Variants in FERMT2 observed in about 807,000 individuals in gnomAD.
The protein encoded by FERMT2 is FERM domain containing kindlin 2, also known as fermitin family homolog 2.
A neutral mutation model predicts 82.7 loss-of-function variants in FERMT2; 15 were observed. The observed-to-expected ratio is 0.18, with a 90% CI of 0.12 to 0.28. FERMT2 has a LOEUF of 0.28. Ranked by LOEUF, FERMT2 falls within the 10% of genes least tolerant of loss-of-function variation. FERMT2 has a pLI of 1.00. For missense variants in FERMT2, 645 were observed against 809.4 expected (o/e 0.80, Z 2.46); for synonymous variants, 274 against 271.5 (o/e 1.01, Z -0.09).
intron 3 of FERMT2, among the ~76,000 whole-genome samples, chr14:52,910,006 T>C (rs927948867): frequency 3.9e-5 from 6 of 152,152 alleles, no homozygotes; most frequent in African/African-American, 1.2e-4. Flanking sequence ...TGAGCTGAGA[T>C]TGCGCCACTG....
At chr14:52,925,608 G>A (rs138710075) in intron 2 of FERMT2, among the ~76,000 whole-genome samples, 1 of 150,988 alleles carries the variant, frequency 6.6e-6, no homozygotes. Context: ...GTGTATATAG[G>A]TGTGTGTGTG....
rs140986988 is a variant in FERMT2, at chr14:52,922,872, G to A, written c.158-3516C>T. Among the ~76,000 whole-genome samples the A allele has an allele frequency of 2.6e-5, 4 of 152,240 alleles. No homozygotes were observed. The East Asian group carries it at 5.8e-4, about 22-fold the overall frequency. The stretch of plus-strand genomic sequence containing the variant: ...GTACAGTCATGAGTCACTTAACAAG[G>A]GGGATAAGATCTGAGAAATGCGATG... On this transcript the variant is annotated intron_variant, in intron 2 of 14. Transcript: ENST00000341590.
intron 2 of FERMT2, among the ~76,000 whole-genome samples, chr14:52,925,990 G>A (rs1369342219): frequency 2.0e-5 from 3 of 152,104 alleles, no homozygotes; most frequent in Non-Finnish European, 2.9e-5. Flanking sequence ...GTGTATTACA[G>A]CACAGCTTGT....
At chr14:52,909,546 G>C (rs1888197213) in intron 3 of FERMT2, among the ~76,000 whole-genome samples, 1 of 152,208 alleles carries the variant, frequency 6.6e-6, no homozygotes, top group Non-Finnish European at 1.5e-5. Context: ...CCAGCACTTT[G>C]GGAGGCTGAG....
At chr14:52,938,570 A>ACTTAG (rs1889953069) in intron 2 of FERMT2, among the ~76,000 whole-genome samples, 1 of 152,064 alleles carries the variant, frequency 6.6e-6, no homozygotes, top group Non-Finnish European at 1.5e-5. Context: ...AACAAAGTTC[A>ACTTAG]CTTAGTTTTT....
chr14:52,890,822 C>T (rs976896026), intron 4 of FERMT2, among the ~76,000 whole-genome samples: 4 of 151,982 alleles, frequency 2.6e-5, no homozygotes, highest in Non-Finnish European at 5.9e-5. Context: ...AGGCTGGTCT[C>T]GAACTCCTGA....
intron 2 of FERMT2, among the ~76,000 whole-genome samples, chr14:52,947,295 C>G (rs559280554): frequency 2.6e-5 from 4 of 152,082 alleles, no homozygotes; most frequent in African/African-American, 9.7e-5. Flanking sequence ...CCGGTTAACA[C>G]GGTGAAACCC....
chr14:52,902,983 A>G (rs1295661571), intron 3 of FERMT2, among the ~76,000 whole-genome samples: 1 of 151,054 alleles, frequency 6.6e-6, no homozygotes. Context: ...TCCAAGAACA[A>G]TGTCTGACTA....
intron 2 of FERMT2, among the ~76,000 whole-genome samples, chr14:52,926,676 C>T (rs1194446370): frequency 6.6e-6 from 1 of 151,780 alleles, no homozygotes; most frequent in African/African-American, 2.4e-5. Flanking sequence ...AGTAACCCAT[C>T]ACAAATACAA....
chr14:52,928,206 G>A, intron 2 of FERMT2: 1 of 230,806 alleles, frequency 4.3e-6, no homozygotes, highest in Admixed American at 4.3e-5. Flanking sequence ...TAGAAGCAAA[G>A]TTTACATTAG....
intron 3 of FERMT2, among the ~76,000 whole-genome samples, chr14:52,898,292 T>TA (rs1045273046): frequency 6.6e-6 from 1 of 152,170 alleles, no homozygotes; most frequent in Non-Finnish European, 1.5e-5. Flanking sequence ...CTGGTTTTTT[T>TA]AAAAAACATA....
chr14:52,858,198 A>T lies in FERMT2; in HGVS notation c.*179T>A, dbSNP rs143081789. The stretch of plus-strand genomic sequence containing the variant: ...ACAAATTCAAGTTTATTATATCATA[A>T]CATGATAGATTAATAGTCGTGCTTG... On this transcript the variant is annotated 3_prime_UTR_variant, in exon 15 of 15. Transcript: ENST00000341590. 2.1e-4 allele frequency: 120 copies of T among 574,446 alleles called. No homozygotes were observed. The African/African-American group carries it at 2.1e-3, about 10-fold the overall frequency. The allele number at this position is 574,446 out of a possible 1,614,324, so 35.6% of individuals were successfully genotyped here. A position where few individuals can be genotyped will look rare whatever the true frequency, so the allele number is the denominator to read the frequency against.
At chr14:52,927,336 T>C (rs1889329094) in intron 2 of FERMT2, among the ~76,000 whole-genome samples, 1 of 152,046 alleles carries the variant, frequency 6.6e-6, no homozygotes, top group Non-Finnish European at 1.5e-5. Flanking sequence ...TGCCCCACTT[T>C]ATGCAATTCC....
intron 3 of FERMT2, 70 bp downstream of exon 3, chr14:52,919,053 G>T: frequency 2.8e-6 from 3 of 1,065,206 alleles, no homozygotes; most frequent in Non-Finnish European, 4.3e-6. Flanking sequence ...CTTGGGATAA[G>T]CTATGTCAGT....
At chr14:52,943,140 G>A (rs1465455659) in intron 2 of FERMT2, among the ~76,000 whole-genome samples, 1 of 143,348 alleles carries the variant, frequency 7.0e-6, no homozygotes, top group Non-Finnish European at 1.5e-5. Flanking sequence ...CTTGGGAGGC[G>A]GAGGTTGCAG....
At chr14:52,889,499 C>G (rs186761152) in intron 4 of FERMT2, among the ~76,000 whole-genome samples, 4 of 152,262 alleles carry the variant, frequency 2.6e-5, no homozygotes, top group Admixed American at 2.6e-4. Flanking sequence ...TGCTTGGGCA[C>G]AAGCTAGCCA....
intron 2 of FERMT2, among the ~76,000 whole-genome samples, chr14:52,935,510 G>C (rs544757386): frequency 5.8e-4 from 88 of 152,276 alleles, no homozygotes; most frequent in African/African-American, 2.0e-3. Flanking sequence ...TAGAAGAAGA[G>C]ACAGAAGACA....
Position 52,858,534 on chromosome 14 carries a change from G to A in FERMT2, c.1886C>T (p.Ala629Val). ...AATGAAGGACAATCGTACTTCATCT[G>A]CAAACTCTACGGTGACCTGGAACAA... ...WEIKMVTVEF[A>V]DEVRLSFICT... Residue 629 changes from alanine (A) to valine (V), a missense_variant, in exon 15 of 15, where the codon GCA becomes GTA. Coordinates refer to ENST00000341590, the MANE Select transcript of FERMT2 (RefSeq NM_006832.3). 1 of 1,614,044 alleles carries A rather than the reference G, an allele frequency of 6.2e-7. No individual in the cohort carries two copies. Among genetic ancestry groups the A allele is most frequent in the Non-Finnish European group, 8.5e-7 (1 of 1,179,926 alleles).
At chr14:52,934,143 C>T (rs555887684) in intron 2 of FERMT2, among the ~76,000 whole-genome samples, 2 of 152,282 alleles carry the variant, frequency 1.3e-5, no homozygotes, top group South Asian at 2.1e-4. Context: ...TATTTATAAA[C>T]TACTACTTGT....
Sources: allele counts gnomAD v4.1 joint callset (sites outside exome capture counted in the v4.1 genomes callset), GRCh38; gene constraint gnomAD v4.1.1; transcripts MANE v1.5; gene names NCBI Gene and HGNC (gene_info 2026-07-23, HGNC 2026-07-21).